The following ZNF827 variants were observed in gnomAD, a reference collection of about 807,000 sequenced individuals.
ZNF827 encodes zinc finger protein 827.
In ZNF827, 13 loss-of-function variants were observed where a neutral mutation model predicts 102.4. That is an observed-to-expected ratio of 0.13 (90% CI 0.08 to 0.20). ZNF827 has a LOEUF of 0.20. Among genes scored for constraint, ZNF827 ranks in the 10% least tolerant of loss-of-function variants. The probability of loss-of-function intolerance (pLI) is 1.00; values close to 1 mark genes in which losing one functional copy is unlikely to be tolerated. For synonymous variants in ZNF827, 523 were observed against 536.2 expected (o/e 0.98, Z 0.34); for missense variants, 1,103 against 1,344.4 (o/e 0.82, Z 2.81).
At chr4:145,894,872 G>C (rs1192454128) in intron 2 of ZNF827, among the ~76,000 whole-genome samples, 1 of 151,976 alleles carries the variant, frequency 6.6e-6, no homozygotes, top group Non-Finnish European at 1.5e-5. Context: ...ATCCTTCCTT[G>C]TCATTTCCTC....
In ZNF827 at chr4:145,849,711, C is replaced by A; in HGVS notation, c.1982-150G>T. ...GGCACACTGGACCATAGTTTGAAAA[C>A]CATTGGCTCAATCATCTAATACCAG... is the stretch of plus-strand genomic sequence containing the variant. On this transcript the variant is annotated intron_variant, in intron 5 of 14. Coordinates refer to ENST00000508784, the MANE Select transcript of ZNF827 (RefSeq NM_001306215.2). 2.3e-6 allele frequency: 3 copies of A among 1,299,626 alleles called. No homozygotes were observed. In the East Asian group the frequency reaches 7.0e-5, roughly 30 times the overall value. The allele number at this position is 1,299,626 out of a possible 1,614,324, so 80.5% of individuals were successfully genotyped here. A position where few individuals can be genotyped will look rare whatever the true frequency, so the allele number is the denominator to read the frequency against.
In ZNF827 at chr4:145,881,020, G is replaced by T. The variant is rs568551125; in HGVS notation, c.1747+4658C>A. On this transcript the variant is annotated intron_variant, in intron 4 of 14. Coordinates refer to ENST00000508784, the MANE Select transcript of ZNF827 (RefSeq NM_001306215.2). ...ATCTCCCATCCCTCCTTCTCCAGCA[G>T]CACAAACAAAGGTAAAGCAAGATGG... 8.5e-5 allele frequency among the ~76,000 whole-genome samples: 13 copies of T among 152,328 alleles called. 1 individual carries two copies. The South Asian group carries it at 2.5e-3, about 29-fold the overall frequency.
At chr4:145,875,711 T>C (rs1470506987) in intron 4 of ZNF827, among the ~76,000 whole-genome samples, 1 of 152,204 alleles carries the variant, frequency 6.6e-6, no homozygotes, top group Non-Finnish European at 1.5e-5. Context: ...ATGGCAATTT[T>C]ATAAATGCTG....
rs564925113 is a variant in ZNF827, at chr4:145,778,730, G to A, written c.2521+644C>T. On this transcript the variant is annotated intron_variant, in intron 9 of 14. Coordinates refer to ENST00000508784, the MANE Select transcript of ZNF827 (RefSeq NM_001306215.2). Reference sequence around the variant, plus strand: ...CTTTTCTTTATCATTTTGTTTTTGTGTTCCCTGTAAATAAGATATATCTGG... The same window carrying A: ...CTTTTCTTTATCATTTTGTTTTTGTATTCCCTGTAAATAAGATATATCTGG... 1.1e-3 allele frequency among the ~76,000 whole-genome samples: 162 copies of A among 152,220 alleles called. 5 individuals carry two copies. In the South Asian group the frequency reaches 0.032, roughly 30 times the overall value.
intron 8 of ZNF827, among the ~76,000 whole-genome samples, chr4:145,787,425 G>A (rs1156573713): frequency 6.9e-6 from 1 of 145,446 alleles, no homozygotes; most frequent in Non-Finnish European, 1.5e-5. Flanking sequence ...CCACGCCATT[G>A]CACTCCAGCC....
At chr4:145,910,533 T>G (rs779581062) in intron 1 of ZNF827, among the ~76,000 whole-genome samples, 13 of 152,144 alleles carry the variant, frequency 8.5e-5, no homozygotes, top group Non-Finnish European at 1.8e-4. Flanking sequence ...CTGGCCACTT[T>G]GCACCATTTC....
At chr4:145,846,067 G>T in intron 6 of ZNF827, 54 bp from the exon 7 acceptor site, 1 of 1,559,782 alleles carries the variant, frequency 6.4e-7, no homozygotes, top group South Asian at 1.1e-5. Flanking sequence ...CACTCAACTT[G>T]CATCTTTTAG....
intron 7 of ZNF827, among the ~76,000 whole-genome samples, chr4:145,838,069 G>A (rs1479619925): frequency 6.6e-6 from 1 of 152,080 alleles, no homozygotes; most frequent in Non-Finnish European, 1.5e-5. Context: ...AGGCCTCTGA[G>A]CCCAAGCCAA....
At chr4:145,803,590 A>G (rs181123994) in intron 8 of ZNF827, among the ~76,000 whole-genome samples, 20 of 152,368 alleles carry the variant, frequency 1.3e-4, no homozygotes, top group Admixed American at 1.2e-3. Flanking sequence ...TCTTGAGAAC[A>G]TCAACCACAC....
chr4:145,810,521 C>T (rs1018359724), intron 8 of ZNF827, among the ~76,000 whole-genome samples: 1 of 152,206 alleles, frequency 6.6e-6, no homozygotes, highest in Non-Finnish European at 1.5e-5. Flanking sequence ...ACTACTGTCC[C>T]CTTCTCCCAA....
At chr4:145,927,523 T>C (rs1234117424) in intron 1 of ZNF827, among the ~76,000 whole-genome samples, 1 of 152,194 alleles carries the variant, frequency 6.6e-6, no homozygotes, top group Non-Finnish European at 1.5e-5. Flanking sequence ...AGGGAAATAC[T>C]ATTGGCAGCA....
chr4:145,789,861 G>C (rs997361513), intron 8 of ZNF827, among the ~76,000 whole-genome samples: 3 of 152,212 alleles, frequency 2.0e-5, no homozygotes, highest in Admixed American at 6.5e-5. Flanking sequence ...CAACCTAAAT[G>C]CTTCCCCCAG....
Position 145,759,439 on chromosome 4 carries a change from C to A in ZNF827, c.*2177G>T, listed in dbSNP as rs771379229. Reference sequence around the variant, plus strand: ...TTTTAAATAAGTATAAAGTTAGCCTCCTAGCAGGTTACATCTACCAGGCGT... The same window carrying A: ...TTTTAAATAAGTATAAAGTTAGCCTACTAGCAGGTTACATCTACCAGGCGT... On this transcript the variant is annotated 3_prime_UTR_variant, in exon 15 of 15. Transcript: ENST00000508784. The A allele has an allele frequency of 2.0e-5, 3 of 152,130 alleles. No homozygotes were observed. The highest frequency in any genetic ancestry group is 4.4e-5 in the Non-Finnish European group (3 of 68,032). The allele number at this position is 152,130 out of a possible 1,614,324, so 9.4% of individuals were successfully genotyped here.
chr4:145,886,267 C>T lies in ZNF827; in HGVS notation c.1267-109G>A. ...ATTTCCTCACCGTGCAAAGGGCTGG[C>T]CTTTGTACTGCAGAGCATTTCACTA... On this transcript the variant is annotated intron_variant, in intron 3 of 14. Coordinates refer to ENST00000508784, the MANE Select transcript of ZNF827 (RefSeq NM_001306215.2). 4.2e-6 allele frequency: 6 copies of T among 1,443,714 alleles called. No homozygotes were observed. The South Asian group carries it at 8.9e-5, about 21-fold the overall frequency. The allele number at this position is 1,443,714 out of a possible 1,614,324, so 89.4% of individuals were successfully genotyped here.
At chr4:145,811,590 G>A (rs1382300739) in intron 8 of ZNF827, among the ~76,000 whole-genome samples, 3 of 152,216 alleles carry the variant, frequency 2.0e-5, no homozygotes, top group Non-Finnish European at 4.4e-5. Flanking sequence ...GAAGTGCCAG[G>A]AGATTTGTGG....
In ZNF827 at chr4:145,903,041, C is replaced by T. The variant is rs1487176781; in HGVS notation, c.218G>A (p.Ser73Asn). 1.2e-6 allele frequency: 2 copies of T among 1,614,182 alleles called. No individual in the cohort carries two copies. Among genetic ancestry groups the T allele is most frequent in the South Asian group, 2.2e-5 (2 of 91,080 alleles). ...QSTSPDTSLG[S>N]TTPSSHTLEL... ...CAACGTGTGGCTGCTGGGAGTCGTG[C>T]TTCCCAAGGAGGTGTCCGGGGACGT... The change falls in exon 2 of 15, where the codon AGC (serine) becomes AAC (asparagine). Residue 73 changes from serine to asparagine, a missense_variant. Physicochemically the swap from Ser to Asn is conservative, Grantham distance 46. This residue lies in a region of ZNF827 where 441 missense variants were observed against 458.6 expected (regional missense o/e 0.96). Coordinates refer to ENST00000508784, the MANE Select transcript of ZNF827 (RefSeq NM_001306215.2).
intron 4 of ZNF827, among the ~76,000 whole-genome samples, chr4:145,882,792 C>T (rs928145986): frequency 2.0e-5 from 3 of 152,174 alleles, no homozygotes; most frequent in Non-Finnish European, 4.4e-5. Context: ...AACAGCTGCA[C>T]CCTACAGTAC....
chr4:145,883,086 G>T (rs1749811707), intron 4 of ZNF827, among the ~76,000 whole-genome samples: 1 of 150,390 alleles, frequency 6.6e-6, no homozygotes, highest in African/African-American at 2.5e-5. Flanking sequence ...AATCGCTCTA[G>T]AAAATGTATT....
At chr4:145,883,757 G>A (rs1304116958) in intron 4 of ZNF827, among the ~76,000 whole-genome samples, 1 of 152,106 alleles carries the variant, frequency 6.6e-6, no homozygotes, top group African/African-American at 2.4e-5. Context: ...TGTTAGGTAA[G>A]GAAATGTCCC....
Sources: allele counts gnomAD v4.1 joint callset (sites outside exome capture counted in the v4.1 genomes callset), GRCh38; gene constraint gnomAD v4.1.1; regional missense constraint gnomAD v4.1.1; transcripts MANE v1.5; gene names NCBI Gene and HGNC (gene_info 2026-07-23, HGNC 2026-07-21).